PPM1A: variants seen among roughly 807,000 people sequenced by gnomAD.
PPM1A encodes the protein protein phosphatase 1A.
In PPM1A, 7 loss-of-function variants were observed where a neutral mutation model predicts 35.0. The observed-to-expected ratio is 0.20, with a 90% CI of 0.11 to 0.38. The LOEUF (loss-of-function observed/expected upper bound fraction) is 0.38, where lower values mean the gene tolerates loss of function less well. Among genes scored for constraint, PPM1A ranks in the 10% least tolerant of loss-of-function variants. The pLI is 1.00. For synonymous variants in PPM1A, 153 were observed against 167.3 expected (o/e 0.91, Z 0.66); for missense variants, 239 against 467.8 (o/e 0.51, Z 4.51).
Position 60,294,204 on chromosome 14 carries a change from T to C in PPM1A, c.*1722T>C, listed in dbSNP as rs1343790515. The C allele has an allele frequency of 6.6e-6, 1 of 151,906 alleles. No individual in the cohort carries two copies. The highest frequency in any genetic ancestry group is 2.1e-4 in the South Asian group (1 of 4,830). 9.4% of individuals were successfully genotyped at this position (151,906 alleles called of 1,614,324 possible). On this transcript the variant is annotated 3_prime_UTR_variant, in exon 6 of 6. Transcript: ENST00000395076. ...GTAGTGGGGAAAGTAATGTGAAATGTCTCAGATTTAAGTAGTTAAATACCA... is the reference window on the plus strand; with the variant it reads ...GTAGTGGGGAAAGTAATGTGAAATGCCTCAGATTTAAGTAGTTAAATACCA...
intron 1 of PPM1A, among the ~76,000 whole-genome samples, chr14:60,251,204 C>G (rs75537150): frequency 2.0e-5 from 3 of 152,220 alleles, no homozygotes; most frequent in Non-Finnish European, 4.4e-5. Flanking sequence ...TAATGAACTT[C>G]CTGCACATGG....
chr14:60,263,879 T>G (rs1884068260), intron 1 of PPM1A, among the ~76,000 whole-genome samples: 1 of 152,072 alleles, frequency 6.6e-6, no homozygotes, highest in Non-Finnish European at 1.5e-5. Context: ...ATTTGGTGAT[T>G]TTTTTTATGA....
upstream of PPM1A, chr14:60,246,142 T>G (rs1595238859): frequency 2.4e-5 from 27 of 1,108,812 alleles, no homozygotes; most frequent in Non-Finnish European, 3.3e-5. Context: ...TGGTGAGGGG[T>G]ATTCTCAAAT....
intron 3 of PPM1A, chr14:60,286,108 T>G: frequency 1.0e-6 from 1 of 989,916 alleles, no homozygotes; most frequent in Non-Finnish European, 1.2e-6. Context: ...GGTGATAATT[T>G]GAATACCATC....
intron 1 of PPM1A, among the ~76,000 whole-genome samples, chr14:60,278,755 AT>A (rs1480815714): frequency 3.9e-5 from 6 of 152,208 alleles, no homozygotes; most frequent in African/African-American, 1.4e-4. Flanking sequence ...AAATATGTGT[AT>A]AGAATTGTTT....
At position 60,289,673 on chromosome 14, in the gene PPM1A, TTA is replaced by T; in HGVS notation, c.953-132_953-131del. The stretch of plus-strand genomic sequence containing the variant: ...AAGGTCAACCTGATTTTTTTTTTTT[TTA>T]AATGATACCAGATTAGAAAAATCTC... On this transcript the variant is annotated intron_variant, in intron 3 of 5. Coordinates refer to ENST00000395076, the MANE Select transcript of PPM1A (RefSeq NM_021003.5). This position sits in a 1 kb window ranked among gnomAD's most constrained non-coding sequence, Gnocchi z 4.1. 2 of 573,860 alleles carry T rather than the reference TTA, an allele frequency of 3.5e-6. No individual in the cohort carries two copies. Among genetic ancestry groups the T allele is most frequent in the Non-Finnish European group, 6.1e-6 (2 of 326,184 alleles). 35.5% of individuals were successfully genotyped at this position (573,860 alleles called of 1,614,324 possible). A position where few individuals can be genotyped will look rare whatever the true frequency, so the allele number is the denominator to read the frequency against.
Position 60,289,064 on chromosome 14 carries a change from T to A in PPM1A, c.953-742T>A, listed in dbSNP as rs1351479882. Among the ~76,000 whole-genome samples the A allele has an allele frequency of 6.6e-6, 1 of 152,142 alleles. No individual in the cohort carries two copies. Among genetic ancestry groups the A allele is most frequent in the Non-Finnish European group, 1.5e-5 (1 of 67,972 alleles). ...AGATCATATTGCTGTGCCCTTTTAA[T>A]AACTGGATATTTTAAAATTATTTTA... On this transcript the variant is annotated intron_variant, in intron 3 of 5. Transcript: ENST00000395076. This position sits in a 1 kb window ranked among gnomAD's most constrained non-coding sequence, Gnocchi z 4.1.
chr14:60,265,602 G>A (rs1050194610), intron 1 of PPM1A, among the ~76,000 whole-genome samples: 1 of 152,218 alleles, frequency 6.6e-6, no homozygotes, highest in Non-Finnish European at 1.5e-5. Context: ...TTGGTTGGAA[G>A]TTAGTCCATT....
Position 60,282,645 on chromosome 14 carries a change from A to T in PPM1A, c.-20-39A>T. Reference sequence around the variant, plus strand: ...ATTGTTTGGTACATATTTTGTTTATAAGACAGTTATTGACTTTCCTGTTTC... The same window carrying T: ...ATTGTTTGGTACATATTTTGTTTATTAGACAGTTATTGACTTTCCTGTTTC... On this transcript the variant is annotated intron_variant, in intron 1 of 5. Transcript: ENST00000395076. This position sits in a 1 kb window ranked among gnomAD's most constrained non-coding sequence, Gnocchi z 5.1. The T allele has an allele frequency of 6.3e-7, 1 of 1,583,522 alleles. No homozygotes were observed. Among genetic ancestry groups the T allele is most frequent in the Non-Finnish European group, 8.6e-7 (1 of 1,164,758 alleles).
At chr14:60,256,708 T>C (rs1181268860) in intron 1 of PPM1A, 1 of 152,224 alleles carries the variant, frequency 6.6e-6, no homozygotes, top group Non-Finnish European at 1.5e-5. Context: ...CCCTATGAGC[T>C]AGATACTGTT....
At chr14:60,272,441 T>C (rs1213567037) in intron 1 of PPM1A, among the ~76,000 whole-genome samples, 1 of 152,042 alleles carries the variant, frequency 6.6e-6, no homozygotes, top group Non-Finnish European at 1.5e-5. Context: ...GTGTGGTGGC[T>C]CATGCCTGTA....
intron 2 of PPM1A, among the ~76,000 whole-genome samples, chr14:60,285,241 C>A (rs1886867907): frequency 6.6e-6 from 1 of 152,176 alleles, no homozygotes; most frequent in Non-Finnish European, 1.5e-5. Flanking sequence ...CTAAAATTTT[C>A]TGTCATGTTG....
At chr14:60,286,537 A>G (rs908052321) in intron 3 of PPM1A, 2 of 985,146 alleles carry the variant, frequency 2.0e-6, no homozygotes, top group Non-Finnish European at 2.4e-6. Flanking sequence ...ACAAGAAAAA[A>G]ATTTTAAAAA....
intron 1 of PPM1A, among the ~76,000 whole-genome samples, chr14:60,255,466 C>T (rs1436666571): frequency 2.0e-5 from 3 of 152,082 alleles, no homozygotes; most frequent in Non-Finnish European, 2.9e-5. Context: ...CCACCGCGCC[C>T]GGCCTATCAT....
chr14:60,292,146 T>A lies in PPM1A; in HGVS notation c.1120-307T>A, dbSNP rs1446985773. 1.3e-5 allele frequency among the ~76,000 whole-genome samples: 2 copies of A among 152,156 alleles called. No homozygotes were observed. The highest frequency in any genetic ancestry group is 4.8e-5 in the African/African-American group (2 of 41,428). ...GTTTATAAAAGTGGTATTCTAAAACTGTATTGGATTTCATTAAAAAATTCT... is the reference window on the plus strand; with the variant it reads ...GTTTATAAAAGTGGTATTCTAAAACAGTATTGGATTTCATTAAAAAATTCT... On this transcript the variant is annotated intron_variant, in intron 5 of 5. Coordinates refer to ENST00000395076, the MANE Select transcript of PPM1A (RefSeq NM_021003.5). This position sits in a 1 kb window ranked among gnomAD's most constrained non-coding sequence, Gnocchi z 4.2.
intron 2 of PPM1A, among the ~76,000 whole-genome samples, chr14:60,284,055 A>G (rs1381603021): frequency 6.6e-6 from 1 of 152,230 alleles, no homozygotes; most frequent in African/African-American, 2.4e-5. Flanking sequence ...GAGACTGTGT[A>G]TGGTTTTAGG....
Position 60,295,040 on chromosome 14 carries a change from C to A in PPM1A, c.*2558C>A, listed in dbSNP as rs1887949246. On this transcript the variant is annotated 3_prime_UTR_variant, in exon 6 of 6. Coordinates refer to ENST00000395076, the MANE Select transcript of PPM1A (RefSeq NM_021003.5). ...TACCACTTAAATTCTTCACCCCCAT[C>A]CCCTTTTTTTGTGCTAATTAGCATC... 6.6e-6 allele frequency: 1 copy of A among 151,706 alleles called. No individual in the cohort carries two copies. The highest frequency in any genetic ancestry group is 1.5e-5 in the Non-Finnish European group (1 of 67,756). The allele number at this position is 151,706 out of a possible 1,614,324, so 9.4% of individuals were successfully genotyped here.
chr14:60,284,147 G>A (rs566874023), intron 2 of PPM1A, among the ~76,000 whole-genome samples: 38 of 152,306 alleles, frequency 2.5e-4, no homozygotes, highest in African/African-American at 8.2e-4. Flanking sequence ...GTTGTCAGGA[G>A]GATCAAATGG....
intron 1 of PPM1A, among the ~76,000 whole-genome samples, chr14:60,250,108 C>G (rs1038319946): frequency 2.0e-5 from 3 of 151,718 alleles, no homozygotes; most frequent in African/African-American, 7.3e-5. Context: ...GGCTTCAGCC[C>G]CTGGGAGGGA....
Sources: gnomAD v4.1 joint callset for allele counts (sites outside exome capture counted in the v4.1 genomes callset) on GRCh38, gnomAD v4.1.1 for gene constraint, Gnocchi (gnomAD v3.1) non-coding constraint, MANE v1.5 for transcripts, NCBI Gene and HGNC (gene_info 2026-07-23, HGNC 2026-07-21) for gene names.